The following NDST4 variants were observed in gnomAD, a reference collection of about 807,000 sequenced individuals.
NDST4 encodes the protein N-deacetylase and N-sulfotransferase 4, also known as N-heparan sulfate sulfotransferase 4.
A neutral mutation model predicts 100.8 loss-of-function variants in NDST4; 63 were observed. That is an observed-to-expected ratio of 0.62 (90% CI 0.51 to 0.77). The LOEUF (loss-of-function observed/expected upper bound fraction) is 0.77. Among genes scored for constraint, NDST4 ranks in the 30% least tolerant of loss-of-function variants. NDST4 has a pLI of 0.00. For synonymous variants in NDST4, 377 were observed against 361.8 expected (o/e 1.04, Z -0.48); for missense variants, 943 against 1,018.4 (o/e 0.93, Z 1.01).
intron 2 of NDST4, among the ~76,000 whole-genome samples, chr4:115,057,702 GCACA>G (rs59805768): frequency 0.19 from 27,290 of 147,158 alleles, 2,737 homozygotes; most frequent in East Asian, 0.43. Context: ...GCGTGCGCAC[GCACA>G]CACACACACA....
At chr4:115,102,604 T>C (rs750651481) in intron 1 of NDST4, among the ~76,000 whole-genome samples, 1 of 151,260 alleles carries the variant, frequency 6.6e-6, no homozygotes, top group Non-Finnish European at 1.5e-5. Context: ...GTCACTTCCA[T>C]CATCATAAAT....
chr4:115,100,333 G>C (rs1202570180), intron 1 of NDST4, among the ~76,000 whole-genome samples: 2 of 152,016 alleles, frequency 1.3e-5, no homozygotes, highest in Non-Finnish European at 2.9e-5. Context: ...CTGTGGACTT[G>C]GGGTGATAAT....
At chr4:115,111,195 T>C (rs1264612486) in intron 1 of NDST4, among the ~76,000 whole-genome samples, 1 of 152,022 alleles carries the variant, frequency 6.6e-6, no homozygotes, top group Non-Finnish European at 1.5e-5. Flanking sequence ...TGGGGACAAC[T>C]GTTCTACTGG....
At chr4:114,940,166 T>C (rs574379413) in intron 4 of NDST4, among the ~76,000 whole-genome samples, 20 of 152,356 alleles carry the variant, frequency 1.3e-4, no homozygotes, top group African/African-American at 4.8e-4. Context: ...AATTATTTAT[T>C]AGAATAATGT....
At position 114,932,848 on chromosome 4, in the gene NDST4, C is replaced by A. The variant is rs541870655; in HGVS notation, c.1536+2358G>T. 9.9e-4 allele frequency among the ~76,000 whole-genome samples: 150 copies of A among 151,998 alleles called. 1 individual carries two copies. The highest frequency in any genetic ancestry group is 3.5e-3 in the African/African-American group (147 of 41,500). On this transcript the variant is annotated intron_variant, in intron 6 of 13. Coordinates refer to ENST00000264363, the MANE Select transcript of NDST4 (RefSeq NM_022569.3). ...TTGAAGACACTAACAGACAATCATC[C>A]CAACTTCATGGATTGAGCGAATTAA...
chr4:115,031,022 C>T (rs1199987186), intron 2 of NDST4, among the ~76,000 whole-genome samples: 1 of 152,134 alleles, frequency 6.6e-6, no homozygotes, highest in Non-Finnish European at 1.5e-5. Flanking sequence ...TCTCCTGCTT[C>T]TCTAATACTC....
intron 10 of NDST4, chr4:114,842,567 G>T: frequency 5.7e-6 from 1 of 176,928 alleles, no homozygotes; most frequent in Non-Finnish European, 1.1e-5. Flanking sequence ...CGAGGCAGGC[G>T]GATCACGAGT....
chr4:114,846,875 GT>G (rs1723560390), intron 9 of NDST4, among the ~76,000 whole-genome samples: 1 of 152,102 alleles, frequency 6.6e-6, no homozygotes, highest in African/African-American at 2.4e-5. Context: ...AACAATTTGT[GT>G]TCCATTTGGG....
intron 6 of NDST4, among the ~76,000 whole-genome samples, chr4:114,927,084 A>T (rs997012309): frequency 7.2e-5 from 11 of 152,168 alleles, no homozygotes; most frequent in Admixed American, 5.2e-4. Context: ...ACCATTAGAT[A>T]TCTTCCCATT....
chr4:114,887,901 T>C (rs1724512795), intron 6 of NDST4, among the ~76,000 whole-genome samples: 1 of 152,218 alleles, frequency 6.6e-6, no homozygotes, highest in Non-Finnish European at 1.5e-5. Flanking sequence ...TAGATTCTTC[T>C]TATCAAATTA....
chr4:115,093,055 G>A (rs1729549777), intron 1 of NDST4, among the ~76,000 whole-genome samples: 1 of 152,176 alleles, frequency 6.6e-6, no homozygotes, highest in Admixed American at 6.5e-5. Flanking sequence ...AAATTTAAAT[G>A]TGTATGCATC....
At chr4:114,942,111 G>C (rs1352853651) in intron 4 of NDST4, among the ~76,000 whole-genome samples, 1 of 152,176 alleles carries the variant, frequency 6.6e-6, no homozygotes, top group Non-Finnish European at 1.5e-5. Flanking sequence ...CATGCACTGA[G>C]TAGCCAGTGA....
chr4:115,052,758 C>A (rs1193937080), intron 2 of NDST4, among the ~76,000 whole-genome samples: 3 of 152,086 alleles, frequency 2.0e-5, no homozygotes, highest in Non-Finnish European at 4.4e-5. Flanking sequence ...CAGACTAATA[C>A]AACTCACTCC....
intron 2 of NDST4, among the ~76,000 whole-genome samples, chr4:114,993,123 T>C (rs1317145604): frequency 6.6e-6 from 1 of 151,910 alleles, no homozygotes; most frequent in African/African-American, 2.4e-5. Flanking sequence ...GACACTCATA[T>C]TGCAAAGGCT....
At chr4:114,838,588 T>C (rs1283485632) in intron 11 of NDST4, among the ~76,000 whole-genome samples, 1 of 152,146 alleles carries the variant, frequency 6.6e-6, no homozygotes, top group East Asian at 1.9e-4. Context: ...AAATTCCGCA[T>C]GTTCTCACTC....
At chr4:115,040,363 T>C (rs535802934) in intron 2 of NDST4, among the ~76,000 whole-genome samples, 143 of 149,496 alleles carry the variant, frequency 9.6e-4, no homozygotes, top group African/African-American at 3.2e-3. Context: ...AAGAACAATA[T>C]GAACTACCAA....
chr4:114,853,989 G>C (rs1314016454), intron 7 of NDST4, among the ~76,000 whole-genome samples: 1 of 139,948 alleles, frequency 7.1e-6, no homozygotes, highest in African/African-American at 3.1e-5. Flanking sequence ...TTATGCTTTT[G>C]TTATTTTAAA....
chr4:114,876,447 T>G (rs995113763), intron 6 of NDST4, among the ~76,000 whole-genome samples: 4 of 152,124 alleles, frequency 2.6e-5, no homozygotes, highest in Admixed American at 6.6e-5. Context: ...GTCTTTATTT[T>G]ATTCTAAAAA....
Position 114,994,297 on chromosome 4 carries a change from A to T in NDST4, c.979-17023T>A, listed in dbSNP as rs905413751. ...CTTCTGGTATACCATATAATTTAGC[A>T]TTATATATCTAAACTTTCTCCCAGC... On this transcript the variant is annotated intron_variant, in intron 2 of 13. Coordinates refer to ENST00000264363, the MANE Select transcript of NDST4 (RefSeq NM_022569.3). 2.0e-5 allele frequency among the ~76,000 whole-genome samples: 3 copies of T among 152,038 alleles called. No homozygotes were observed. The South Asian group carries it at 6.2e-4, about 31-fold the overall frequency.
Sources: gnomAD v4.1 joint callset for allele counts (sites outside exome capture counted in the v4.1 genomes callset) on GRCh38, gnomAD v4.1.1 for gene constraint, MANE v1.5 for transcripts, NCBI Gene and HGNC (gene_info 2026-07-23, HGNC 2026-07-21) for gene names.